Variants in TRAPPC13 observed in about 807,000 individuals in gnomAD.
TRAPPC13 encodes REV7-interacting novel NHEJ regulator 1.
In TRAPPC13, 39 loss-of-function variants were observed where a neutral mutation model predicts 54.0. That is an observed-to-expected ratio of 0.72 (90% CI 0.56 to 0.94). The LOEUF (loss-of-function observed/expected upper bound fraction) is 0.94, where lower values mean the gene tolerates loss of function less well. TRAPPC13 is among the 40% of genes least tolerant of loss of function. The pLI, the probability that TRAPPC13 is intolerant of heterozygous loss-of-function variation, is 0.00. For missense variants in TRAPPC13, 386 were observed against 488.1 expected (o/e 0.79, Z 1.97); for synonymous variants, 148 against 167.7 (o/e 0.88, Z 0.91).
intron 4 of TRAPPC13, among the ~76,000 whole-genome samples, chr5:65,641,793 T>C (rs115742939): frequency 0.011 from 1,641 of 150,984 alleles, 34 homozygotes; most frequent in African/African-American, 0.037. Flanking sequence ...CTTTGAACGA[T>C]TTGTAGAATT....
At chr5:65,643,837 G>GAAAAA (rs11407179) in intron 4 of TRAPPC13, among the ~76,000 whole-genome samples, 57 of 132,876 alleles carry the variant, frequency 4.3e-4, no homozygotes, top group Non-Finnish European at 6.4e-4. Context: ...AAAAAAGAAA[G>GAAAAA]AAAAAAAAAA....
chr5:65,637,177 A>C (rs183589996), intron 3 of TRAPPC13, among the ~76,000 whole-genome samples: 16 of 152,326 alleles, frequency 1.1e-4, no homozygotes, highest in African/African-American at 3.6e-4. Flanking sequence ...GCCAAGATAT[A>C]TCATGTTCTA....
At chr5:65,627,543 T>C (rs541920889) in intron 1 of TRAPPC13, among the ~76,000 whole-genome samples, 2 of 151,404 alleles carry the variant, frequency 1.3e-5, no homozygotes, top group Non-Finnish European at 2.9e-5. Flanking sequence ...GGCACAAGAA[T>C]CACTTGACCC....
At chr5:65,635,471 C>A in intron 2 of TRAPPC13, 102 bp downstream of exon 2, 1 of 901,954 alleles carries the variant, frequency 1.1e-6, no homozygotes, top group Non-Finnish European at 1.7e-6. Flanking sequence ...TTTATGCTAA[C>A]CATTTGCTGG....
At chr5:65,651,842 G>GTTTTTTTTGTTTTTTTTT (rs1756457486) in intron 6 of TRAPPC13, among the ~76,000 whole-genome samples, 3 of 41,136 alleles carry the variant, frequency 7.3e-5, no homozygotes, top group Admixed American at 4.5e-4. Flanking sequence ...ACGTGATTCA[G>GTTTTTTTTGTTTTTTTTT]TTTTTTTTTT....
At chr5:65,662,534 T>C (rs565771757) in intron 11 of TRAPPC13, 4 of 153,770 alleles carry the variant, frequency 2.6e-5, no homozygotes, top group South Asian at 2.1e-4. Context: ...AACCAAACAT[T>C]GCTTATGGAT....
intron 4 of TRAPPC13, among the ~76,000 whole-genome samples, chr5:65,645,076 T>TA (rs1332352331): frequency 6.6e-6 from 1 of 151,204 alleles, no homozygotes; most frequent in East Asian, 1.9e-4. Context: ...CGGGCGCCTG[T>TA]AATCCCAGCT....
intron 10 of TRAPPC13, chr5:65,661,509 A>G (rs1054369251): frequency 6.6e-6 from 1 of 152,276 alleles, no homozygotes; most frequent in Non-Finnish European, 1.5e-5. Flanking sequence ...CCACTGTTTG[A>G]GGCAATAATT....
intron 4 of TRAPPC13, among the ~76,000 whole-genome samples, chr5:65,646,388 A>C (rs1342705332): frequency 6.6e-6 from 1 of 152,176 alleles, no homozygotes; most frequent in Admixed American, 6.5e-5. Context: ...CTTATCTTTT[A>C]GTGTTATATA....
intron 9 of TRAPPC13, among the ~76,000 whole-genome samples, 157 bp from the exon 10 acceptor site, chr5:65,660,542 C>T (rs35803680): frequency 0.035 from 5,252 of 151,946 alleles, 145 homozygotes; most frequent in South Asian, 0.089. Flanking sequence ...TTGCAGTATA[C>T]GTTCTTTTTA....
chr5:65,644,527 C>T (rs1038709902), intron 4 of TRAPPC13, among the ~76,000 whole-genome samples: 2 of 152,140 alleles, frequency 1.3e-5, no homozygotes, highest in African/African-American at 4.8e-5. Flanking sequence ...CACAGGAAAA[C>T]ATATTCAACA....
intron 2 of TRAPPC13, 78 bp from the exon 3 acceptor site, chr5:65,635,866 C>T: frequency 1.2e-6 from 1 of 856,402 alleles, no homozygotes; most frequent in Non-Finnish European, 1.8e-6. Flanking sequence ...TAAAATATCT[C>T]TCCCAGCTAT....
At chr5:65,628,673 T>C (rs371270120) in intron 1 of TRAPPC13, among the ~76,000 whole-genome samples, 1 of 151,908 alleles carries the variant, frequency 6.6e-6, no homozygotes, top group Non-Finnish European at 1.5e-5. Context: ...AGTTTCACCA[T>C]GTTGGCCAGG....
intron 9 of TRAPPC13, among the ~76,000 whole-genome samples, chr5:65,658,905 A>G (rs2150691007): frequency 6.6e-6 from 1 of 152,010 alleles, no homozygotes; most frequent in South Asian, 2.1e-4. Context: ...TTTTTAGTAG[A>G]GATGGGGTTT....
intron 4 of TRAPPC13, among the ~76,000 whole-genome samples, chr5:65,642,728 A>G (rs998208331): frequency 6.6e-6 from 1 of 152,110 alleles, no homozygotes; most frequent in Non-Finnish European, 1.5e-5. Context: ...TGGTGTGATC[A>G]TAGCTCACTG....
chr5:65,645,538 C>T (rs574006373), intron 4 of TRAPPC13, among the ~76,000 whole-genome samples: 116 of 152,310 alleles, frequency 7.6e-4, no homozygotes, highest in African/African-American at 2.7e-3. Flanking sequence ...GGCGCGGTGG[C>T]TAACGCCTGT....
rs539051794 is a variant in TRAPPC13, at chr5:65,630,604, G to T, written c.47-4697G>T. 1.1e-4 allele frequency: 119 copies of T among 1,088,240 alleles called. 2 individuals are homozygous for T. In the South Asian group the frequency reaches 4.0e-3, roughly 37 times the overall value. 67.4% of individuals were successfully genotyped at this position (1,088,240 alleles called of 1,614,324 possible). A position where few individuals can be genotyped will look rare whatever the true frequency, so the allele number is the denominator to read the frequency against. ...GATTGAATTAGTCATGAATTAAGTT[G>T]TATAGTTTGGATTTTGGTTAATCTC... On this transcript the variant is annotated intron_variant, in intron 1 of 12. Coordinates refer to ENST00000399438, the MANE Select transcript of TRAPPC13 (RefSeq NM_024941.4).
chr5:65,660,518 G>A (rs1756811111), intron 9 of TRAPPC13, among the ~76,000 whole-genome samples, 181 bp from the exon 10 acceptor site: 1 of 151,814 alleles, frequency 6.6e-6, no homozygotes, highest in South Asian at 2.1e-4. Context: ...AAAAAATGAA[G>A]GAAAAATAAA....
intron 6 of TRAPPC13, among the ~76,000 whole-genome samples, chr5:65,651,842 GTTTTTTTTTTTTTTTTTTTTT>G (rs762929434): frequency 1.5e-4 from 6 of 41,136 alleles, no homozygotes; most frequent in Admixed American, 4.5e-4. Flanking sequence ...ACGTGATTCA[GTTTTTTTTTTTTTTTTTTTTT>G]TTTTTTTTTT....
Sources: allele counts gnomAD v4.1 joint callset (sites outside exome capture counted in the v4.1 genomes callset), GRCh38; gene constraint gnomAD v4.1.1; transcripts MANE v1.5; gene names NCBI Gene and HGNC (gene_info 2026-07-23, HGNC 2026-07-21).